LDB2: variants seen among roughly 807,000 people sequenced by gnomAD.
The protein encoded by LDB2 is LIM domain binding 2, also known as LIM domain-binding protein 2.
In LDB2, 12 loss-of-function variants were observed where a neutral mutation model predicts 44.3. The observed-to-expected ratio is 0.27, with a 90% CI of 0.17 to 0.44. The LOEUF is 0.44. Ranked by LOEUF, LDB2 falls within the 20% of genes least tolerant of loss-of-function variation. The probability of loss-of-function intolerance (pLI) is 1.00; values close to 1 mark genes in which losing one functional copy is unlikely to be tolerated. For missense variants in LDB2, 344 were observed against 473.5 expected, an observed-to-expected ratio of 0.73 and a Z score of 2.54; for synonymous variants, 164 against 174.8, an observed-to-expected ratio of 0.94 and a Z score of 0.49.
intron 1 of LDB2, among the ~76,000 whole-genome samples, chr4:16,830,243 A>C (rs1783820628): frequency 6.6e-6 from 1 of 152,142 alleles, no homozygotes; most frequent in African/African-American, 2.4e-5. Flanking sequence ...GTGGGAGGTG[A>C]TTGGATCATG....
At position 16,502,493 on chromosome 4, in the gene LDB2, G is replaced by C; in HGVS notation, c.*150C>G. Reference sequence around the variant, plus strand: ...ATCCTCTCAATTAGAAAAAAAGAAAGAAGAAAGAAAATCAGATCATTGTGG... The same window carrying C: ...ATCCTCTCAATTAGAAAAAAAGAAACAAGAAAGAAAATCAGATCATTGTGG... On this transcript the variant is annotated 3_prime_UTR_variant, in exon 8 of 8. Coordinates refer to ENST00000304523, the MANE Select transcript of LDB2 (RefSeq NM_001290.5). 1 of 1,160,772 alleles carries C rather than the reference G, an allele frequency of 8.6e-7. No homozygotes were observed. The highest frequency in any genetic ancestry group is 1.2e-6 in the Non-Finnish European group (1 of 816,116). 71.9% of individuals were successfully genotyped at this position (1,160,772 alleles called of 1,614,324 possible). A position where few individuals can be genotyped will look rare whatever the true frequency, so the allele number is the denominator to read the frequency against.
chr4:16,570,196 A>C (rs1350446918), intron 5 of LDB2, among the ~76,000 whole-genome samples: 1 of 151,860 alleles, frequency 6.6e-6, no homozygotes, highest in Non-Finnish European at 1.5e-5. Flanking sequence ...GGACACAGTG[A>C]CTCATGCCTG....
chr4:16,779,900 C>T (rs1454299524), intron 1 of LDB2, among the ~76,000 whole-genome samples: 1 of 152,144 alleles, frequency 6.6e-6, no homozygotes, highest in Admixed American at 6.5e-5. Flanking sequence ...ATTTTCTTCT[C>T]CAAAATGCAA....
At chr4:16,761,440 C>A (rs1430808634) in intron 1 of LDB2, among the ~76,000 whole-genome samples, 2 of 152,168 alleles carry the variant, frequency 1.3e-5, no homozygotes, top group Non-Finnish European at 1.5e-5. Flanking sequence ...AGACCTGCAG[C>A]CAGGACTCAC....
chr4:16,545,917 C>T (rs1247104627), intron 5 of LDB2, among the ~76,000 whole-genome samples: 1 of 152,192 alleles, frequency 6.6e-6, no homozygotes, highest in African/African-American at 2.4e-5. Context: ...ATGATTGCCT[C>T]TGGCACCCGC....
At chr4:16,860,430 C>T (rs1372122171) in intron 1 of LDB2, among the ~76,000 whole-genome samples, 2 of 152,210 alleles carry the variant, frequency 1.3e-5, no homozygotes, top group Admixed American at 6.5e-5. Context: ...CAGGTTATCT[C>T]TGTGTTAAAC....
chr4:16,843,505 C>A (rs1786298684), intron 1 of LDB2, among the ~76,000 whole-genome samples: 1 of 152,136 alleles, frequency 6.6e-6, no homozygotes, highest in Non-Finnish European at 1.5e-5. Context: ...TAGTTCATCA[C>A]CAAGTTCTAA....
chr4:16,875,879 T>C (rs753372712), intron 1 of LDB2, among the ~76,000 whole-genome samples: 2 of 152,240 alleles, frequency 1.3e-5, no homozygotes, highest in Non-Finnish European at 2.9e-5. Flanking sequence ...CAAAATACCC[T>C]CTATCCTTCT....
chr4:16,863,417 C>G (rs1198925204), intron 1 of LDB2, among the ~76,000 whole-genome samples: 1 of 152,138 alleles, frequency 6.6e-6, no homozygotes, highest in Non-Finnish European at 1.5e-5. Flanking sequence ...TATTTCTTTA[C>G]TTATCACCTC....
At chr4:16,847,788 T>A (rs1317328114) in intron 1 of LDB2, among the ~76,000 whole-genome samples, 1 of 152,188 alleles carries the variant, frequency 6.6e-6, no homozygotes, top group African/African-American at 2.4e-5. Flanking sequence ...AGCTAATTTT[T>A]TGTATTTTTT....
chr4:16,556,691 T>G (rs541292933), intron 5 of LDB2, among the ~76,000 whole-genome samples: 2 of 152,222 alleles, frequency 1.3e-5, no homozygotes, highest in Non-Finnish European at 2.9e-5. Flanking sequence ...TAAGTGAACC[T>G]ATGCCGTTAA....
intron 1 of LDB2, among the ~76,000 whole-genome samples, chr4:16,863,271 GT>G (rs1247467222): frequency 1.3e-5 from 2 of 152,132 alleles, no homozygotes; most frequent in Admixed American, 6.5e-5. Flanking sequence ...AGTTTACCAT[GT>G]TTTCTGCAAT....
chr4:16,615,069 C>CAA (rs71649971), intron 2 of LDB2, among the ~76,000 whole-genome samples: 1,053 of 45,330 alleles, frequency 0.023, 54 homozygotes, highest in African/African-American at 0.051. Flanking sequence ...GACTCCGTCT[C>CAA]AAAAAAAAAA....
At chr4:16,725,589 T>C (rs1759263654) in intron 2 of LDB2, among the ~76,000 whole-genome samples, 6 of 152,136 alleles carry the variant, frequency 3.9e-5, no homozygotes, top group Admixed American at 3.9e-4. Flanking sequence ...TCCCACTTTC[T>C]ACTTAGAACC....
intron 1 of LDB2, among the ~76,000 whole-genome samples, chr4:16,894,410 T>C (rs1191123742): frequency 5.3e-5 from 8 of 152,320 alleles, no homozygotes; most frequent in Admixed American, 1.3e-4. Flanking sequence ...CTTTATTAAA[T>C]TCCACTGAGA....
intron 5 of LDB2, among the ~76,000 whole-genome samples, chr4:16,558,428 G>A: frequency 6.6e-6 from 1 of 152,220 alleles, no homozygotes; most frequent in Non-Finnish European, 1.5e-5. Context: ...AGCTTCAGGA[G>A]CCGATGCGAT....
chr4:16,898,358 G>A lies in LDB2; in HGVS notation c.128C>T (p.Thr43Ile), dbSNP rs756455793. 11 of 1,613,346 alleles carry A rather than the reference G, an allele frequency of 6.8e-6. No individual in the cohort carries two copies. In the South Asian group the frequency reaches 1.2e-4, roughly 18 times the overall value. Residue 43 changes from threonine to isoleucine, a missense_variant, in exon 1 of 8, where the codon ACA becomes ATA. Physicochemically the swap from Thr to Ile is moderately conservative, Grantham distance 89. This residue lies in a region of LDB2 where 226 missense variants were observed against 270.1 expected (regional missense o/e 0.84). Transcript: ENST00000304523. The part of the protein sequence containing the change: ...YEMNKRLQSR[T>I]EDSDNLWWDA... ...CCCCAAGGTTGAAGTACTTACCTCT[G>A]TGCGAGACTGCAGTCTCTTGTTCAT...
chr4:16,629,507 C>A (rs34044486), intron 2 of LDB2, among the ~76,000 whole-genome samples: 1,653 of 152,186 alleles, frequency 0.011, 10 homozygotes, highest in Non-Finnish European at 0.019. Context: ...GAGTGGACCT[C>A]CAGCAAACTC....
At chr4:16,678,995 C>A (rs1232463162) in intron 2 of LDB2, among the ~76,000 whole-genome samples, 1 of 152,116 alleles carries the variant, frequency 6.6e-6, no homozygotes, top group South Asian at 2.1e-4. Flanking sequence ...CCAAGAAATA[C>A]AAAACAAAGT....
Sources: allele counts gnomAD v4.1 joint callset (sites outside exome capture counted in the v4.1 genomes callset), GRCh38; gene constraint gnomAD v4.1.1; regional missense constraint gnomAD v4.1.1; transcripts MANE v1.5; gene names NCBI Gene and HGNC (gene_info 2026-07-23, HGNC 2026-07-21).